Variants in MYO10 observed in about 807,000 individuals in gnomAD.
MYO10 encodes myosin X.
MYO10 carries 133 observed loss-of-function variants against 257.3 expected under a neutral mutation model. The ratio of observed to expected loss-of-function variants is 0.52; its 90% CI spans 0.45 to 0.60. The LOEUF (loss-of-function observed/expected upper bound fraction) is 0.60. Among genes scored for constraint, MYO10 ranks in the 20% least tolerant of loss-of-function variants. The probability of loss-of-function intolerance (pLI) is 0.00; values close to 1 mark genes in which losing one functional copy is unlikely to be tolerated. For synonymous variants in MYO10, 1,104 were observed against 1,028.6 expected (o/e 1.07, Z -1.40); for missense variants, 2,399 against 2,635.7 (o/e 0.91, Z 1.97).
chr5:16,933,781 C>G (rs1345033720), intron 1 of MYO10, among the ~76,000 whole-genome samples: 1 of 152,188 alleles, frequency 6.6e-6, no homozygotes, highest in Non-Finnish European at 1.5e-5. Context: ...CTCTGACTGG[C>G]CCTGCTTCCT....
intron 37 of MYO10, among the ~76,000 whole-genome samples, chr5:16,672,237 G>C (rs1217486018): frequency 1.4e-5 from 2 of 144,338 alleles, no homozygotes; most frequent in African/African-American, 5.2e-5. Context: ...AGAAGTTGCA[G>C]TGAGCCAAGG....
intron 1 of MYO10, among the ~76,000 whole-genome samples, chr5:16,879,965 G>T (rs1160826449): frequency 1.3e-5 from 2 of 152,144 alleles, no homozygotes; most frequent in East Asian, 3.9e-4. Context: ...ATCACTTGAG[G>T]TCAGGAGTTT....
Position 16,752,923 on chromosome 5 carries a change from A to G in MYO10, c.1929+1905T>C, listed in dbSNP as rs138796020. 8.5e-5 allele frequency among the ~76,000 whole-genome samples: 13 copies of G among 152,262 alleles called. No individual in the cohort carries two copies. The East Asian group carries it at 2.5e-3, about 29-fold the overall frequency. ...GTGATAACCTTAAATATTTTGACAT[A>G]CTTTTGAAAAACGGAAAGATGGGTT... On this transcript the variant is annotated intron_variant, in intron 19 of 40. Transcript: ENST00000513610.
chr5:16,808,005 C>A (rs1419124720), intron 3 of MYO10, among the ~76,000 whole-genome samples: 1 of 152,180 alleles, frequency 6.6e-6, no homozygotes, highest in Non-Finnish European at 1.5e-5. Flanking sequence ...GAGCCTAACA[C>A]AGAGCCTGGT....
intron 1 of MYO10, among the ~76,000 whole-genome samples, chr5:16,919,469 A>G (rs539964667): frequency 2.3e-5 from 3 of 132,126 alleles, no homozygotes; most frequent in African/African-American, 9.1e-5. Context: ...CTGGCCTCCT[A>G]TCCTGGCTCT....
chr5:16,727,727 T>C (rs1318769352), intron 19 of MYO10, among the ~76,000 whole-genome samples: 1 of 152,228 alleles, frequency 6.6e-6, no homozygotes, highest in East Asian at 1.9e-4. Context: ...ACTTTGATTT[T>C]TGTTTTTTAA....
intron 26 of MYO10, among the ~76,000 whole-genome samples, chr5:16,697,807 T>A (rs191782475): frequency 0.012 from 1,869 of 150,860 alleles, 11 homozygotes; most frequent in African/African-American, 0.021. Flanking sequence ...AGAAGACAAA[T>A]TTAAAAATCA....
At position 16,816,583 on chromosome 5, in the gene MYO10, T is replaced by G. The variant is rs1335903016; in HGVS notation, c.279+1426A>C. Among the ~76,000 whole-genome samples the G allele has an allele frequency of 4.6e-5, 7 of 150,860 alleles. No homozygotes were observed. The Admixed American group carries it at 4.7e-4, about 10-fold the overall frequency. On this transcript the variant is annotated intron_variant, in intron 3 of 40. Transcript: ENST00000513610. The stretch of plus-strand genomic sequence containing the variant: ...GAGTCTTGCTGTCGCCTGGTTGGAG[T>G]GCAGTGGTGCGATCTTAGCTCACTG...
intron 19 of MYO10, among the ~76,000 whole-genome samples, chr5:16,715,812 T>C (rs1339795273): frequency 6.6e-6 from 1 of 151,984 alleles, no homozygotes; most frequent in Non-Finnish European, 1.5e-5. Context: ...TCCCAGCACT[T>C]TGGGAGGGCG....
chr5:16,718,876 G>C (rs927575789), intron 19 of MYO10, among the ~76,000 whole-genome samples: 1 of 152,168 alleles, frequency 6.6e-6, no homozygotes, highest in African/African-American at 2.4e-5. Flanking sequence ...AATCTGATGG[G>C]GACGTGGAGA....
chr5:16,905,977 A>G (rs905239875), intron 1 of MYO10, among the ~76,000 whole-genome samples: 1 of 152,212 alleles, frequency 6.6e-6, no homozygotes, highest in African/African-American at 2.4e-5. Flanking sequence ...GAGAAAGAAA[A>G]GCACTCATAG....
intron 1 of MYO10, among the ~76,000 whole-genome samples, chr5:16,926,770 G>A (rs1166427958): frequency 8.6e-5 from 13 of 151,216 alleles, no homozygotes; most frequent in African/African-American, 1.5e-4. Context: ...ATTACTGTCC[G>A]TAAAACAAAC....
intron 19 of MYO10, among the ~76,000 whole-genome samples, chr5:16,747,918 C>CAAAAAAAAAAAAAAAAAAAA (rs777257950): frequency 3.6e-4 from 11 of 30,534 alleles, no homozygotes; most frequent in Non-Finnish European, 1.7e-3. Flanking sequence ...AACTCCGTCT[C>CAAAAAAAAAAAAAAAAAAAA]AAAAAAAAAA....
rs530975763 is a variant in MYO10, at chr5:16,834,337, T to C, written c.121-16170A>G. Among the ~76,000 whole-genome samples, 202 of 152,294 alleles carry C rather than the reference T, an allele frequency of 1.3e-3. 3 individuals are homozygous for C. The highest frequency in any genetic ancestry group is 4.6e-3 in the African/African-American group (191 of 41,548). On this transcript the variant is annotated intron_variant, in intron 2 of 40. Coordinates refer to ENST00000513610, the MANE Select transcript of MYO10 (RefSeq NM_012334.3). ...TCATATGCCGAAGTGGCTGATTTCC[T>C]GGTGCACCGTGATGAGGACGTGGAA... is the stretch of plus-strand genomic sequence containing the variant.
chr5:16,897,567 C>G (rs986101667), intron 1 of MYO10, among the ~76,000 whole-genome samples: 6 of 152,222 alleles, frequency 3.9e-5, no homozygotes, highest in Non-Finnish European at 8.8e-5. Context: ...TCTCTCTCAC[C>G]AACACCAGCA....
At chr5:16,775,998 C>A (rs976234521) in intron 9 of MYO10, among the ~76,000 whole-genome samples, 1 of 152,074 alleles carries the variant, frequency 6.6e-6, no homozygotes, top group Non-Finnish European at 1.5e-5. Context: ...CAGACTCAAG[C>A]CATCCTCCCA....
At chr5:16,671,668 G>A (rs1407276700) in intron 37 of MYO10, 126 bp from the exon 38 acceptor site, 1 of 1,166,598 alleles carries the variant, frequency 8.6e-7, no homozygotes, top group Non-Finnish European at 1.2e-6. Flanking sequence ...AGAAAACAGT[G>A]GATAGAGATG....
chr5:16,685,596 T>G, intron 29 of MYO10, 142 bp downstream of exon 29: 1 of 636,116 alleles, frequency 1.6e-6, no homozygotes, highest in Non-Finnish European at 2.7e-6. Flanking sequence ...ATGGTCCTGT[T>G]TTTCTCCTTA....
chr5:16,684,867 T>C (rs1737173833), intron 29 of MYO10, among the ~76,000 whole-genome samples: 1 of 151,994 alleles, frequency 6.6e-6, no homozygotes, highest in African/African-American at 2.4e-5. Context: ...GGCAACATAG[T>C]GAAACCCTGT....
Sources: allele counts gnomAD v4.1 joint callset (sites outside exome capture counted in the v4.1 genomes callset), GRCh38; gene constraint gnomAD v4.1.1; transcripts MANE v1.5; gene names NCBI Gene and HGNC (gene_info 2026-07-23, HGNC 2026-07-21).